The following PRKCQ variants were observed in gnomAD, a reference collection of about 807,000 sequenced individuals.
The protein encoded by PRKCQ is protein kinase C theta type.
A neutral mutation model predicts 91.2 loss-of-function variants in PRKCQ; 41 were observed. That is an observed-to-expected ratio of 0.45 (90% CI 0.35 to 0.58). The LOEUF (loss-of-function observed/expected upper bound fraction) is 0.58. Among genes scored for constraint, PRKCQ ranks in the 20% least tolerant of loss-of-function variants. The pLI is 0.00. For synonymous variants in PRKCQ, 307 were observed against 316.9 expected (o/e 0.97, Z 0.33); for missense variants, 673 against 896.5 (o/e 0.75, Z 3.18).
At chr10:6,549,516 T>C (rs757351336) in intron 1 of PRKCQ, among the ~76,000 whole-genome samples, 2 of 152,100 alleles carry the variant, frequency 1.3e-5, no homozygotes, top group Non-Finnish European at 2.9e-5. Flanking sequence ...TAGCGATTAC[T>C]AGGTTGGTAC....
intron 15 of PRKCQ, 96 bp downstream of exon 15, chr10:6,456,578 A>T (rs1470886721): frequency 1.4e-6 from 2 of 1,453,582 alleles, no homozygotes; most frequent in Non-Finnish European, 1.9e-6. Flanking sequence ...TCTTGAATGA[A>T]GATATTTAAA....
At chr10:6,528,859 T>G (rs1335241062) in intron 1 of PRKCQ, among the ~76,000 whole-genome samples, 28 of 152,362 alleles carry the variant, frequency 1.8e-4, no homozygotes. Context: ...ATGTTATGAC[T>G]GTAGGGACAG....
chr10:6,515,119 C>T lies in PRKCQ; in HGVS notation c.17G>A (p.Arg6Gln), dbSNP rs765069464. The stretch of plus-strand genomic sequence containing the variant: ...GCAGTCAAAGTTGGACAAGCCAATC[C>T]GAAGAAATGGCGACATGGTTGCGCC... MSPFL[R>Q]IGLSNFDCGS... Residue 6 changes from arginine to glutamine, a missense_variant, in exon 2 of 18, where the codon CGG becomes CAG. Transcript: ENST00000263125. 3.7e-6 allele frequency: 6 copies of T among 1,613,602 alleles called. No homozygotes were observed. The highest frequency in any genetic ancestry group is 3.3e-5 in the Admixed American group (2 of 59,880).
intron 16 of PRKCQ, among the ~76,000 whole-genome samples, chr10:6,433,795 C>G (rs1477480505): frequency 6.6e-6 from 1 of 152,088 alleles, no homozygotes; most frequent in Non-Finnish European, 1.5e-5. Flanking sequence ...CTTTGGGAGG[C>G]TGAGGTGGGT....
the PRKCQ span, among the ~76,000 whole-genome samples, chr10:6,410,234 T>C: frequency 1.3e-5 from 2 of 152,240 alleles, no homozygotes; most frequent in Admixed American, 1.3e-4. Flanking sequence ...TGATCTGTTG[T>C]TTCCTTTTGA....
chr10:6,443,777 T>C (rs1415077881), intron 15 of PRKCQ, among the ~76,000 whole-genome samples: 1 of 152,104 alleles, frequency 6.6e-6, no homozygotes, highest in African/African-American at 2.4e-5. Context: ...TTGATAACAT[T>C]ATGCTAAGTG....
In PRKCQ at chr10:6,449,998, A is replaced by G. The variant is rs1401320683; in HGVS notation, c.1647+6676T>C. Among the ~76,000 whole-genome samples the G allele has an allele frequency of 4.6e-5, 7 of 152,116 alleles. No homozygotes were observed. The East Asian group carries it at 1.2e-3, about 25-fold the overall frequency. Reference sequence around the variant, plus strand: ...AAAATCATGCCAAAATGTAAAGACCATCAAGACTAGGAAGAAACTGCATCA... The same window carrying G: ...AAAATCATGCCAAAATGTAAAGACCGTCAAGACTAGGAAGAAACTGCATCA... On this transcript the variant is annotated intron_variant, in intron 15 of 17. Coordinates refer to ENST00000263125, the MANE Select transcript of PRKCQ (RefSeq NM_006257.5).
intron 4 of PRKCQ, among the ~76,000 whole-genome samples, chr10:6,502,167 C>T (rs531699713): frequency 2.6e-5 from 4 of 152,170 alleles, no homozygotes; most frequent in South Asian, 4.2e-4. Flanking sequence ...GAAAGAAAAT[C>T]GATGTGTCAG....
intron 16 of PRKCQ, among the ~76,000 whole-genome samples, chr10:6,436,295 A>G (rs1833690815): frequency 6.6e-6 from 1 of 152,082 alleles, no homozygotes; most frequent in Non-Finnish European, 1.5e-5. Flanking sequence ...TTAGCCTTAG[A>G]TTTAGTTTTG....
chr10:6,482,284 A>T (rs1376569678), intron 11 of PRKCQ, among the ~76,000 whole-genome samples: 2 of 152,158 alleles, frequency 1.3e-5, no homozygotes, highest in Non-Finnish European at 2.9e-5. Context: ...CTAATCCAAT[A>T]TGACTGGTGT....
intron 1 of PRKCQ, among the ~76,000 whole-genome samples, chr10:6,552,864 A>G (rs1801222533): frequency 7.0e-6 from 1 of 143,760 alleles, no homozygotes; most frequent in Non-Finnish European, 1.5e-5. Context: ...TATTTACCAC[A>G]TCAGAAAATA....
chr10:6,556,435 A>G (rs1471028519), intron 1 of PRKCQ, among the ~76,000 whole-genome samples: 7 of 36,082 alleles, frequency 1.9e-4, no homozygotes, highest in African/African-American at 3.2e-4. Context: ...CTGTCTTGGG[A>G]AAAAAAAAAA....
chr10:6,553,761 T>C (rs1840303150), intron 1 of PRKCQ, among the ~76,000 whole-genome samples: 1 of 152,190 alleles, frequency 6.6e-6, no homozygotes, highest in African/African-American at 2.4e-5. Flanking sequence ...TCTTCAACTT[T>C]GGCAGTTACT....
At chr10:6,456,575 T>C in intron 15 of PRKCQ, 99 bp downstream of exon 15, 1 of 1,446,578 alleles carries the variant, frequency 6.9e-7, no homozygotes, top group Non-Finnish European at 9.3e-7. Flanking sequence ...AAATCTTGAA[T>C]GAAGATATTT....
At chr10:6,475,972 C>T (rs1353306217) in intron 12 of PRKCQ, among the ~76,000 whole-genome samples, 2 of 152,022 alleles carry the variant, frequency 1.3e-5, no homozygotes, top group Non-Finnish European at 2.9e-5. Context: ...TTTTCTCTCC[C>T]AGCACCAATG....
the PRKCQ span, among the ~76,000 whole-genome samples, chr10:6,418,955 ATATCTATCTATC>A: frequency 0.054 from 7,904 of 147,150 alleles, 246 homozygotes; most frequent in South Asian, 0.094. Flanking sequence ...ATCTTATCTA[ATATCTATCTATC>A]TATCTATCTA....
the PRKCQ span, among the ~76,000 whole-genome samples, chr10:6,395,054 G>GTTTTTTTTTTTTTT: frequency 6.9e-5 from 9 of 129,972 alleles, no homozygotes; most frequent in African/African-American, 2.0e-4. Context: ...GGAAGCTGGA[G>GTTTTTTTTTTTTTT]TCTTTTTTTT....
intron 4 of PRKCQ, among the ~76,000 whole-genome samples, chr10:6,503,944 T>G (rs1838052688): frequency 6.6e-6 from 1 of 152,100 alleles, no homozygotes; most frequent in East Asian, 1.9e-4. Flanking sequence ...ACCCAGGTAA[T>G]TTTTAAATTT....
intron 1 of PRKCQ, among the ~76,000 whole-genome samples, chr10:6,516,049 G>A (rs1038627443): frequency 6.6e-6 from 1 of 152,136 alleles, no homozygotes; most frequent in East Asian, 1.9e-4. Flanking sequence ...CTCTCTTTTT[G>A]ATGATTTATA....
Sources: gnomAD v4.1 joint callset for allele counts (sites outside exome capture counted in the v4.1 genomes callset) on GRCh38, gnomAD v4.1.1 for gene constraint, MANE v1.5 for transcripts, NCBI Gene and HGNC (gene_info 2026-07-23, HGNC 2026-07-21) for gene names.